Variants in SCYL1 observed in about 807,000 individuals in gnomAD.
SCYL1 encodes the protein SCY1 like pseudokinase 1, also known as N-terminal kinase-like protein.
SCYL1 carries 85 observed loss-of-function variants against 94.8 expected under a neutral mutation model. That is an observed-to-expected ratio of 0.90 (90% CI 0.75 to 1.07). The LOEUF is 1.07. SCYL1 is among the 50% of genes least tolerant of loss of function. The probability of loss-of-function intolerance (pLI) is 0.00; values close to 1 mark genes in which losing one functional copy is unlikely to be tolerated. For synonymous variants in SCYL1, 459 were observed against 435.5 expected (o/e 1.05, Z -0.67); for missense variants, 968 against 1,083.3 (o/e 0.89, Z 1.49).
chr11:65,536,412 G>C, intron 12 of SCYL1, 78 bp downstream of exon 12: 1 of 1,516,450 alleles, frequency 6.6e-7, no homozygotes, highest in Non-Finnish European at 9.1e-7. Context: ...ACCCCCACTG[G>C]AGTTTCTGAA....
rs762072885 is a variant in SCYL1 at position 65,536,755 on chromosome 11, G to A, written c.1816+5G>A. The A allele has an allele frequency of 6.3e-7, 1 of 1,595,624 alleles. No homozygotes were observed. The highest frequency in any genetic ancestry group is 1.7e-5 in the Admixed American group (1 of 59,326). On this transcript the variant is annotated splice_donor_5th_base_variant and intron_variant, in intron 13 of 17. Coordinates refer to ENST00000270176, the MANE Select transcript of SCYL1 (RefSeq NM_020680.4). ...CCCAAAGACCCACGCCTGAAGGTGAGTGTCCTGGCCTAGCTGCATCAGTGG... is the reference window on the plus strand; with the variant it reads ...CCCAAAGACCCACGCCTGAAGGTGAATGTCCTGGCCTAGCTGCATCAGTGG...
At chr11:65,525,821 G>C in intron 2 of SCYL1, 100 bp from the exon 3 acceptor site, 1 of 1,579,568 alleles carries the variant, frequency 6.3e-7, no homozygotes, top group Non-Finnish European at 8.6e-7. Flanking sequence ...AGCACCCCCA[G>C]ATTTGGTTTC....
intron 6 of SCYL1, among the ~76,000 whole-genome samples, chr11:65,527,592 C>T (rs1855148205): frequency 6.6e-6 from 1 of 151,896 alleles, no homozygotes; most frequent in Admixed American, 6.6e-5. Context: ...TACAAAAAAT[C>T]AGCTGGGCGG....
In SCYL1 at chr11:65,538,442, G is replaced by A. The variant is rs1356036646; in HGVS notation, c.2303G>A (p.Arg768Gln). ...CCGGGGCTCCCCTTCCTGACGCCAGGACAGGTCAAGGCTGAGCTGGCCCGG... is the reference window on the plus strand; with the variant it reads ...CCGGGGCTCCCCTTCCTGACGCCAGAACAGGTCAAGGCTGAGCTGGCCCGG... ...DNWEGLETDS[R>Q]QVKAELARKK... is the part of the protein sequence containing the mutation. The change falls in exon 18 of 18, where the codon CGA (arginine) becomes CAA (glutamine). Residue 768 changes from arginine to glutamine, a missense_variant and splice_region_variant. Physicochemically the swap from Arg to Gln is conservative, Grantham distance 43. Around this residue, in one of 2 missense-constraint regions of SCYL1, gnomAD observed 474 missense variants for 463.6 expected, o/e 1.02. Coordinates refer to ENST00000270176, the MANE Select transcript of SCYL1 (RefSeq NM_020680.4). 7 of 1,556,452 alleles carry A rather than the reference G, an allele frequency of 4.5e-6. No homozygotes were observed. In the African/African-American group the frequency reaches 9.5e-5, roughly 21 times the overall value.
In SCYL1 at chr11:65,535,651, G is replaced by C. The variant is rs1054392679; in HGVS notation, c.1386+269G>C. ...GGGTTTGTAAGTTCAGTTGCTTGCC[G>C]TGCCCAGACAGTTAACAGGAATGAA... On this transcript the variant is annotated intron_variant, in intron 10 of 17. Coordinates refer to ENST00000270176, the MANE Select transcript of SCYL1 (RefSeq NM_020680.4). 5.1e-6 allele frequency: 3 copies of C among 590,576 alleles called. No homozygotes were observed. In the East Asian group the frequency reaches 8.5e-5, roughly 17 times the overall value. 36.6% of individuals were successfully genotyped at this position (590,576 alleles called of 1,614,324 possible).
At position 65,526,361 on chromosome 11, in the gene SCYL1, G is replaced by C; in HGVS notation, c.602+11G>C. 2 of 1,580,740 alleles carry C rather than the reference G, an allele frequency of 1.3e-6. No individual in the cohort carries two copies. Among genetic ancestry groups the C allele is most frequent in the South Asian group, 1.2e-5 (1 of 86,670 alleles). The stretch of plus-strand genomic sequence containing the variant: ...GGTCAGAGAGAAGTGGTGGGTGACT[G>C]GGGGCAGCGCGCCCCAACCTGCCCT... On this transcript the variant is annotated intron_variant, in intron 4 of 17. Transcript: ENST00000270176. The surrounding 1 kb of genome is among the most constrained non-coding windows in gnomAD (Gnocchi z 4.1).
chr11:65,530,308 T>A (rs1348880060), intron 6 of SCYL1, among the ~76,000 whole-genome samples: 6 of 152,206 alleles, frequency 3.9e-5, no homozygotes, highest in Admixed American at 3.9e-4. Context: ...CTGTCCCTAG[T>A]GGCTGCTCTC....
rs758829284 is a variant in SCYL1, at chr11:65,525,199, C to G, written c.46C>G (p.Leu16Val). The G allele has an allele frequency of 1.4e-6, 2 of 1,457,496 alleles. No homozygotes were observed. The highest frequency in any genetic ancestry group is 1.5e-5 in the African/African-American group (1 of 67,116). 90.3% of individuals were successfully genotyped at this position (1,457,496 alleles called of 1,614,324 possible). The change falls in exon 1 of 18, where the codon CTC (leucine) becomes GTC (valine). Residue 16 changes from leucine to valine, a missense_variant. Around this residue, in one of 2 missense-constraint regions of SCYL1, gnomAD observed 494 missense variants for 619.7 expected, o/e 0.80. Coordinates refer to ENST00000270176, the MANE Select transcript of SCYL1 (RefSeq NM_020680.4). ...CCCGGTCCGGGACTTTCCGTTCGAG[C>G]TCATCCCGGAGCCCCCAGAGGGCGG... ...RDPVRDFPFE[L>V]IPEPPEGGLP...
chr11:65,526,050 T>G lies in SCYL1; in HGVS notation c.375+7T>G. 6.2e-7 allele frequency: 1 copy of G among 1,611,300 alleles called. No individual in the cohort carries two copies. The highest frequency in any genetic ancestry group is 8.5e-7 in the Non-Finnish European group (1 of 1,179,170). On this transcript the variant is annotated splice_region_variant and intron_variant, in intron 3 of 17. Transcript: ENST00000270176. The surrounding 1 kb of genome is among the most constrained non-coding windows in gnomAD (Gnocchi z 4.1). The stretch of plus-strand genomic sequence containing the variant: ...GGGGCTACACCAGATCGTGGTGAGG[T>G]GGGGGGCAGTGGTGATGAGAGCAGG...
intron 2 of SCYL1, 76 bp from the exon 3 acceptor site, chr11:65,525,845 C>G (rs544860638): frequency 5.7e-6 from 9 of 1,584,288 alleles, no homozygotes; most frequent in Middle Eastern, 1.7e-4. Context: ...TTCCCCATCT[C>G]TCCCAACTTC....
chr11:65,530,564 C>T (rs1261318336), intron 6 of SCYL1, 65 bp from the exon 7 acceptor site: 2 of 1,550,526 alleles, frequency 1.3e-6, no homozygotes, highest in Non-Finnish European at 1.8e-6. Context: ...TTGTCCTCAC[C>T]CATGGCTGGG....
rs1855041159 is a variant in SCYL1 at position 65,525,729 on chromosome 11, G to C, written c.252+15G>C. 1 of 1,611,996 alleles carries C rather than the reference G, an allele frequency of 6.2e-7. No individual in the cohort carries two copies. The highest frequency in any genetic ancestry group is 2.2e-5 in the East Asian group (1 of 44,866). ...ATGGACTGGAGGTACCTGCTGCCTT[G>C]CCTGCCCGTCTCTGCCCCTCACGAT... On this transcript the variant is annotated intron_variant, in intron 2 of 17. Coordinates refer to ENST00000270176, the MANE Select transcript of SCYL1 (RefSeq NM_020680.4).
intron 8 of SCYL1, among the ~76,000 whole-genome samples, chr11:65,531,940 C>G (rs1389479830): frequency 1.3e-5 from 2 of 152,196 alleles, no homozygotes; most frequent in Non-Finnish European, 2.9e-5. Flanking sequence ...CTCTGGCCCT[C>G]TAGAGTGGGG....
In SCYL1 at chr11:65,535,978, C is replaced by A; in HGVS notation, c.1412C>A (p.Ala471Asp). 1.2e-6 allele frequency: 2 copies of A among 1,608,838 alleles called. No individual in the cohort carries two copies. Among genetic ancestry groups the A allele is most frequent in the South Asian group, 2.2e-5 (2 of 90,376 alleles). Residue 471 changes from alanine (A) to aspartate (D), a missense_variant, in exon 11 of 18, where the codon GCC (alanine) becomes GAC (aspartate). Ala to Asp is a moderately radical substitution (Grantham distance 126, BLOSUM62 -2). This residue lies in a region of SCYL1 where 474 missense variants were observed against 463.6 expected (regional missense o/e 1.02). Transcript: ENST00000270176. ...ACCAGACACAGGGTCCTTACCTCTGCCTTCAGCCGAGCCACTAGGGACCCG... is the reference window on the plus strand; with the variant it reads ...ACCAGACACAGGGTCCTTACCTCTGACTTCAGCCGAGCCACTAGGGACCCG... The part of the protein sequence containing the change: ...ASTRHRVLTS[A>D]FSRATRDPFA...
rs1247693189 is a variant in SCYL1, at chr11:65,536,076, G to A, written c.1510G>A (p.Ala504Thr). The change falls in exon 11 of 18, where the codon GCC (alanine) becomes ACC (threonine). Residue 504 changes from alanine (A) to threonine (T), a missense_variant. Physicochemically the swap from Ala to Thr is moderately conservative, Grantham distance 58 (BLOSUM62 0). Transcript: ENST00000270176. ...THNLYSMNDCAQKILPVLCGL... is the reference protein window; with the variant it reads ...THNLYSMNDCTQKILPVLCGL... ...CAACCTCTACTCAATGAACGACTGT[G>A]CCCAGAAGATCCTGCCTGTGCTCTG... The A allele has an allele frequency of 3.7e-6, 6 of 1,614,216 alleles. No individual in the cohort carries two copies. The highest frequency in any genetic ancestry group is 4.2e-6 in the Non-Finnish European group (5 of 1,180,028).
Position 65,526,224 on chromosome 11 carries a change from G to A in SCYL1, c.476G>A (p.Gly159Asp). ...CGAGCTGGCGAGTGGAAGCTTGGGG[G>A]CCTGGACTACATGTATTCGGCCCAG... ...VDRAGEWKLG[G>D]LDYMYSAQGN... Residue 159 changes from glycine (G) to aspartate (D), a missense_variant, in exon 4 of 18, where the codon GGC becomes GAC. Gly to Asp is a moderately conservative substitution (Grantham distance 94). Around this residue, in one of 2 missense-constraint regions of SCYL1, gnomAD observed 494 missense variants for 619.7 expected, o/e 0.80. Transcript: ENST00000270176. This position sits in a 1 kb window ranked among gnomAD's most constrained non-coding sequence, Gnocchi z 4.1. The A allele has an allele frequency of 6.2e-7, 1 of 1,613,382 alleles. No homozygotes were observed. The highest frequency in any genetic ancestry group is 8.5e-7 in the Non-Finnish European group (1 of 1,179,992).
At chr11:65,537,909 G>C in intron 15 of SCYL1, 29 bp downstream of exon 15, 2 of 1,581,374 alleles carry the variant, frequency 1.3e-6, no homozygotes, top group Non-Finnish European at 1.7e-6. Context: ...GGAGGTGTGT[G>C]TATGGGGCTC....
chr11:65,531,532 G>A, intron 7 of SCYL1, 44 bp from the exon 8 acceptor site: 1 of 1,453,842 alleles, frequency 6.9e-7, no homozygotes, highest in African/African-American at 1.4e-5. Flanking sequence ...AGCAAAGTCA[G>A]CCCATTCCTG....
At chr11:65,529,095 C>T (rs1262165511) in intron 6 of SCYL1, among the ~76,000 whole-genome samples, 1 of 152,200 alleles carries the variant, frequency 6.6e-6, no homozygotes, top group African/African-American at 2.4e-5. Flanking sequence ...GTGGGGAAGA[C>T]AGCGGGGGCT....
Sources: allele counts gnomAD v4.1 joint callset (sites outside exome capture counted in the v4.1 genomes callset), GRCh38; gene constraint gnomAD v4.1.1; regional missense constraint gnomAD v4.1.1; non-coding constraint Gnocchi (gnomAD v3.1); transcripts MANE v1.5; gene names NCBI Gene and HGNC (gene_info 2026-07-23, HGNC 2026-07-21).